The following SLC9A7 variants were observed in gnomAD, a reference collection of about 807,000 sequenced individuals.
SLC9A7 encodes sodium/hydrogen exchanger 7.
In SLC9A7, 19 loss-of-function variants were observed where a neutral mutation model predicts 52.6. The ratio of observed to expected loss-of-function variants is 0.36; its 90% CI spans 0.25 to 0.53. SLC9A7 has a LOEUF of 0.53. Ranked by LOEUF, SLC9A7 falls within the 20% of genes least tolerant of loss-of-function variation. The pLI is 0.91. For synonymous variants in SLC9A7, 226 were observed against 252.1 expected (o/e 0.90, Z 0.98); for missense variants, 455 against 597.9 (o/e 0.76, Z 2.49).
In SLC9A7 at chrX:46,641,195, C is replaced by T. The variant is rs1424674191; in HGVS notation, c.1616+2041G>A. ...GGAGCCACTAATTAGGCAGCAGGGA[C>T]CAGAGGAGGAATGTGGCAGGCCCAC... is the stretch of plus-strand genomic sequence containing the variant. On this transcript the variant is annotated intron_variant, in intron 12 of 16. Coordinates refer to ENST00000616978, the MANE Select transcript of SLC9A7 (RefSeq NM_001257291.2). Among the ~76,000 whole-genome samples the T allele has an allele frequency of 3.6e-5, 4 of 111,929 alleles. No individual in the cohort carries two copies. The East Asian group carries it at 1.1e-3, about 31-fold the overall frequency.
intron 2 of SLC9A7, among the ~76,000 whole-genome samples, chrX:46,680,678 C>T (rs763209497): frequency 8.9e-6 from 1 of 111,846 alleles, no homozygotes; most frequent in Non-Finnish European, 1.9e-5. Flanking sequence ...TTTATCATAT[C>T]CAGAAAAAAA....
intron 1 of SLC9A7, among the ~76,000 whole-genome samples, chrX:46,748,419 A>AGGAAGGAAGGAAGGAAGGAAGGAAG (rs1569526642): frequency 1.1e-5 from 1 of 88,623 alleles, no homozygotes; most frequent in East Asian, 4.7e-4. Context: ...AAGGAAGGAC[A>AGGAAGGAAGGAAGGAAGGAAGGAAG]GACAGAAGGA....
chrX:46,669,476 C>A, intron 5 of SLC9A7, 131 bp downstream of exon 5: 1 of 406,812 alleles, frequency 2.5e-6, no homozygotes, highest in Non-Finnish European at 4.2e-6. Flanking sequence ...GTCACTTCTT[C>A]CACCACCATG....
At chrX:46,701,284 C>A (rs1944526926) in intron 1 of SLC9A7, among the ~76,000 whole-genome samples, 1 of 111,657 alleles carries the variant, frequency 9.0e-6, no homozygotes, top group Admixed American at 9.5e-5. Flanking sequence ...GATGCTTTAT[C>A]CCCTTAAAAG....
intron 1 of SLC9A7, among the ~76,000 whole-genome samples, chrX:46,730,188 C>A (rs186426981): frequency 3.0e-4 from 33 of 111,021 alleles, no homozygotes; most frequent in African/African-American, 1.1e-3. Context: ...ATGTTGATTT[C>A]TTACATTAAT....
rs1942742601 is a variant in SLC9A7, at chrX:46,606,333, T to C, written c.*619A>G. 1.5e-5 allele frequency: 11 copies of C among 752,602 alleles called. No homozygotes were observed. The highest frequency in any genetic ancestry group is 2.3e-5 in the African/African-American group (1 of 43,241). The allele number at this position is 752,602 out of a possible 1,213,427, so 62.0% of individuals were successfully genotyped here. A position where few individuals can be genotyped will look rare whatever the true frequency, so the allele number is the denominator to read the frequency against. On this transcript the variant is annotated 3_prime_UTR_variant, in exon 17 of 17. Transcript: ENST00000616978. ...GAAGGAACTATAATTCTTCGTTCCA[T>C]GTTGAAATGTTCGTGGATGTATTTT... is the stretch of plus-strand genomic sequence containing the variant.
intron 15 of SLC9A7, among the ~76,000 whole-genome samples, chrX:46,614,993 G>C (rs1345500143): frequency 1.8e-5 from 2 of 112,484 alleles, no homozygotes; most frequent in African/African-American, 6.5e-5. Flanking sequence ...CATGCTTCTA[G>C]TTTGAAATTA....
At chrX:46,725,640 A>G (rs11540557) in intron 1 of SLC9A7, 3 of 1,152,955 alleles carry the variant, frequency 2.6e-6, no homozygotes, top group East Asian at 3.0e-5. Flanking sequence ...CTGCTTAACC[A>G]TACTCTTTGC....
intron 1 of SLC9A7, among the ~76,000 whole-genome samples, chrX:46,712,203 CAA>C (rs1366570810): frequency 9.0e-6 from 1 of 111,469 alleles, no homozygotes; most frequent in East Asian, 2.8e-4. Context: ...TTTCTATAAA[CAA>C]ATACCTGAGA....
At chrX:46,678,412 T>TTTATTTATTTA (rs1944154337) in intron 3 of SLC9A7, among the ~76,000 whole-genome samples, 5 of 91,000 alleles carry the variant, frequency 5.5e-5, no homozygotes, top group South Asian at 5.8e-4. Flanking sequence ...TGGCATTTGT[T>TTTATTTATTTA]TTTATTTATT....
At chrX:46,682,635 A>T (rs1375571719) in intron 1 of SLC9A7, 100 bp from the exon 2 acceptor site, 1 of 763,417 alleles carries the variant, frequency 1.3e-6, no homozygotes, top group African/African-American at 2.2e-5. Context: ...ATGCAGCAGT[A>T]ATCTTAGAAA....
chrX:46,757,523 A>G (rs988196124), intron 1 of SLC9A7, among the ~76,000 whole-genome samples: 2 of 112,617 alleles, frequency 1.8e-5, no homozygotes, highest in Non-Finnish European at 3.7e-5. Context: ...TTTTCACATT[A>G]AAGGTTAAGG....
At chrX:46,721,878 C>T (rs1944866717) in intron 1 of SLC9A7, among the ~76,000 whole-genome samples, 1 of 112,323 alleles carries the variant, frequency 8.9e-6, no homozygotes, top group East Asian at 2.8e-4. Context: ...TGAAGGCAGT[C>T]GGCGATGTTT....
intron 3 of SLC9A7, among the ~76,000 whole-genome samples, chrX:46,674,152 T>C (rs1411822575): frequency 9.0e-6 from 1 of 111,639 alleles, no homozygotes; most frequent in East Asian, 2.8e-4. Flanking sequence ...CAATCCCAGA[T>C]GTGCTTTTCC....
intron 15 of SLC9A7, among the ~76,000 whole-genome samples, chrX:46,615,120 GC>G (rs1216200518): frequency 8.9e-6 from 1 of 112,043 alleles, no homozygotes; most frequent in Non-Finnish European, 1.9e-5. Context: ...TTGGCTCACT[GC>G]AACCTCCGCC....
In SLC9A7 at chrX:46,600,184, T is replaced by G. The variant is rs1942639487; in HGVS notation, c.*6768A>C. On this transcript the variant is annotated 3_prime_UTR_variant, in exon 17 of 17. Transcript: ENST00000616978. ...ACAATTGGAATAATCACAACACAAG[T>G]CAGCCCCTAAATGTCCATGCAGTTA... 1 of 111,923 alleles carries G rather than the reference T, an allele frequency of 8.9e-6. No individual in the cohort carries two copies. Among genetic ancestry groups the G allele is most frequent in the African/African-American group, 3.2e-5 (1 of 30,788 alleles). 9.2% of individuals were successfully genotyped at this position (111,923 alleles called of 1,213,427 possible). A position where few individuals can be genotyped will look rare whatever the true frequency, so the allele number is the denominator to read the frequency against.
intron 1 of SLC9A7, among the ~76,000 whole-genome samples, chrX:46,683,324 ATGTAACTTGCTT>A (rs1181531523): frequency 2.7e-5 from 3 of 111,502 alleles, no homozygotes; most frequent in African/African-American, 9.8e-5. Flanking sequence ...GTTGCTATAA[ATGTAACTTGCTT>A]TGCCACACAT....
intron 1 of SLC9A7, among the ~76,000 whole-genome samples, chrX:46,734,787 G>A (rs966302965): frequency 9.0e-5 from 10 of 110,934 alleles, no homozygotes; most frequent in East Asian, 5.7e-4. Flanking sequence ...TTAAGCATAC[G>A]ATTCAATGAT....
intron 1 of SLC9A7, among the ~76,000 whole-genome samples, chrX:46,691,385 T>C (rs774573908): frequency 8.9e-6 from 1 of 112,351 alleles, no homozygotes; most frequent in Non-Finnish European, 1.9e-5. Flanking sequence ...CTTTTCCTGA[T>C]ATATTTATTT....
Sources: gnomAD v4.1 joint callset for allele counts (sites outside exome capture counted in the v4.1 genomes callset) on GRCh38, gnomAD v4.1.1 for gene constraint, MANE v1.5 for transcripts, NCBI Gene and HGNC (gene_info 2026-07-23, HGNC 2026-07-21) for gene names.